SSPN: variants seen among roughly 807,000 people sequenced by gnomAD.
SSPN encodes K-ras oncogene-associated protein.
In SSPN, 15 loss-of-function variants were observed where a neutral mutation model predicts 19.1. That is an observed-to-expected ratio of 0.78 (90% CI 0.52 to 1.21). The LOEUF is 1.21. Ranked by LOEUF, SSPN falls within the 50% of genes most tolerant of loss-of-function variation. The probability of loss-of-function intolerance (pLI) is 0.00; values close to 1 mark genes in which losing one functional copy is unlikely to be tolerated. For missense variants in SSPN, 291 were observed against 314.0 expected (o/e 0.93, Z 0.55); for synonymous variants, 147 against 140.3 (o/e 1.05, Z -0.34).
chr12:26,228,622 C>T (rs1351467077), intron 2 of SSPN, among the ~76,000 whole-genome samples: 1 of 151,012 alleles, frequency 6.6e-6, no homozygotes, highest in East Asian at 2.0e-4. Context: ...CAGTTCTCTG[C>T]TGGCTGTACT....
intron 1 of SSPN, among the ~76,000 whole-genome samples, chr12:26,146,652 G>A (rs926622152): frequency 2.0e-5 from 3 of 151,926 alleles, no homozygotes; most frequent in African/African-American, 4.8e-5. Flanking sequence ...GCAAAATCCA[G>A]TCTCTACTAA....
At chr12:26,155,503 A>G (rs916745981) in intron 1 of SSPN, among the ~76,000 whole-genome samples, 2 of 152,192 alleles carry the variant, frequency 1.3e-5, no homozygotes, top group African/African-American at 4.8e-5. Flanking sequence ...CTCAAAAGCA[A>G]TAGGTATATT....
In SSPN at chr12:26,160,346, T is replaced by C. The variant is rs533949866; in HGVS notation, c.-31+38194T>C. On this transcript the variant is annotated intron_variant, in intron 1 of 2. Coordinates refer to the SSPN transcript ENST00000538142. ...CCTGTCCCTCCAAATGGCCTTTTGCTCTTAAATGGGCTTCCAATTTATTTT... is the reference window on the plus strand; with the variant it reads ...CCTGTCCCTCCAAATGGCCTTTTGCCCTTAAATGGGCTTCCAATTTATTTT... Among the ~76,000 whole-genome samples the C allele has an allele frequency of 1.7e-4, 26 of 152,376 alleles. 1 individual carries two copies. In the South Asian group the frequency reaches 5.4e-3, roughly 32 times the overall value.
At position 26,232,206 on chromosome 12, in the gene SSPN, C is replaced by T. The variant is rs916967373; in HGVS notation, c.*1130C>T. On this transcript the variant is annotated 3_prime_UTR_variant, in exon 3 of 3. Coordinates refer to ENST00000242729, the MANE Select transcript of SSPN (RefSeq NM_005086.5). ...ATGAAACTGTATTTGATACATAATC[C>T]TATTATTAATTCGTATGCTTAGTCA... 2.5e-5 allele frequency: 25 copies of T among 985,364 alleles called. 1 individual carries two copies. In the South Asian group the frequency reaches 9.9e-4, roughly 39 times the overall value. 61.0% of individuals were successfully genotyped at this position (985,364 alleles called of 1,614,324 possible). A position where few individuals can be genotyped will look rare whatever the true frequency, so the allele number is the denominator to read the frequency against.
chr12:26,195,712 G>C lies in SSPN; in HGVS notation c.40G>C (p.Gly14Arg). 1 of 1,259,200 alleles carries C rather than the reference G, an allele frequency of 7.9e-7. No individual in the cohort carries two copies. The highest frequency in any genetic ancestry group is 1.0e-6 in the Non-Finnish European group (1 of 990,074). The allele number at this position is 1,259,200 out of a possible 1,614,324, so 78.0% of individuals were successfully genotyped here. A position where few individuals can be genotyped will look rare whatever the true frequency, so the allele number is the denominator to read the frequency against. ...GCAGCCACGCGGCCAGCAGAGGCAGGGGGGCCCGCCGGCCGCGGACGCCGC... is the reference window on the plus strand; with the variant it reads ...GCAGCCACGCGGCCAGCAGAGGCAGCGGGGCCCGCCGGCCGCGGACGCCGC... ...NKQPRGQQRQ[G>R]GPPAADAAGP... The change falls in exon 1 of 3, where the codon GGG (glycine) becomes CGG (arginine). Residue 14 changes from glycine to arginine, a missense_variant. This residue lies in a region of SSPN where 139 missense variants were observed against 119.6 expected (regional missense o/e 1.16). Transcript: ENST00000242729.
intron 1 of SSPN, chr12:26,122,892 C>A (rs1420793854): frequency 6.4e-7 from 1 of 1,550,720 alleles, no homozygotes; most frequent in Non-Finnish European, 8.7e-7. Context: ...CAGCTTCTGC[C>A]CCGCGCGCTC....
chr12:26,196,544 A>G (rs923444996), intron 1 of SSPN, among the ~76,000 whole-genome samples: 1 of 152,210 alleles, frequency 6.6e-6, no homozygotes, highest in Non-Finnish European at 1.5e-5. Flanking sequence ...GGCGCTGGCC[A>G]TGGCAGAAGT....
chr12:26,123,567 C>T, intron 1 of SSPN: 1 of 1,161,014 alleles, frequency 8.6e-7, no homozygotes, highest in East Asian at 2.3e-5. Context: ...GGAGTCCTGA[C>T]ACTGCTCCCC....
chr12:26,125,346 C>G (rs1210021986), intron 1 of SSPN: 1 of 227,394 alleles, frequency 4.4e-6, no homozygotes, highest in East Asian at 1.1e-4. Flanking sequence ...AAATGCGACT[C>G]CCTGGGTTCG....
intron 1 of SSPN, among the ~76,000 whole-genome samples, chr12:26,166,106 A>T (rs1311323051): frequency 2.0e-5 from 3 of 152,130 alleles, no homozygotes; most frequent in Non-Finnish European, 4.4e-5. Flanking sequence ...GGAACATCAC[A>T]CACCAGGGCC....
intron 1 of SSPN, among the ~76,000 whole-genome samples, chr12:26,215,679 T>C (rs572936782): frequency 2.0e-5 from 3 of 152,336 alleles, no homozygotes; most frequent in East Asian, 3.9e-4. Context: ...TTAGAGGTGA[T>C]TGTTTTGCTT....
chr12:26,156,956 C>T (rs1467454795), intron 1 of SSPN, among the ~76,000 whole-genome samples: 1 of 152,206 alleles, frequency 6.6e-6, no homozygotes, highest in Non-Finnish European at 1.5e-5. Context: ...GTGTGTGGAA[C>T]ACTGTACCAT....
chr12:26,122,442 G>A, intron 1 of SSPN: 1 of 1,356,694 alleles, frequency 7.4e-7, no homozygotes, highest in Non-Finnish European at 9.6e-7. Context: ...GGCGGCAGCT[G>A]CAGAAGGCGA....
chr12:26,122,434 C>T, intron 1 of SSPN: 5 of 1,352,326 alleles, frequency 3.7e-6, no homozygotes, highest in East Asian at 3.3e-5. Flanking sequence ...TGCACGTAGG[C>T]GGCAGCTGCA....
intron 1 of SSPN, among the ~76,000 whole-genome samples, chr12:26,129,180 C>T (rs1465946802): frequency 2.0e-5 from 3 of 152,188 alleles, no homozygotes; most frequent in Admixed American, 6.5e-5. Flanking sequence ...CGTAGAGTCT[C>T]CTGCCTGTGA....
At chr12:26,163,937 G>C (rs187295321) in intron 1 of SSPN, among the ~76,000 whole-genome samples, 8 of 152,326 alleles carry the variant, frequency 5.3e-5, no homozygotes, top group Admixed American at 2.0e-4. Flanking sequence ...AGCAGTCCCT[G>C]CTGTCAAGAA....
rs1945266420 is a variant in SSPN, at chr12:26,234,516, A to T, written c.*3440A>T. ...ACTCACAGTGGAAACATTCATTTGG[A>T]TGAAGAATTAGTGGTTTAGCCTTTG... On this transcript the variant is annotated 3_prime_UTR_variant, in exon 3 of 3. Coordinates refer to ENST00000242729, the MANE Select transcript of SSPN (RefSeq NM_005086.5). 6.6e-6 allele frequency: 1 copy of T among 152,224 alleles called. No individual in the cohort carries two copies. Among genetic ancestry groups the T allele is most frequent in the Non-Finnish European group, 1.5e-5 (1 of 68,034 alleles). The allele number at this position is 152,224 out of a possible 1,614,324, so 9.4% of individuals were successfully genotyped here.
At chr12:26,145,912 G>T (rs1944487474) in intron 1 of SSPN, among the ~76,000 whole-genome samples, 2 of 152,140 alleles carry the variant, frequency 1.3e-5, no homozygotes, top group South Asian at 4.1e-4. Flanking sequence ...AGGACTTTGT[G>T]GACCCATGTA....
chr12:26,141,082 C>G (rs1379997970), intron 1 of SSPN, among the ~76,000 whole-genome samples: 1 of 152,154 alleles, frequency 6.6e-6, no homozygotes, highest in African/African-American at 2.4e-5. Context: ...AATATATTAC[C>G]TTACATAGCA....
Sources: gnomAD v4.1 joint callset for allele counts (sites outside exome capture counted in the v4.1 genomes callset) on GRCh38, gnomAD v4.1.1 for gene constraint, gnomAD v4.1.1 regional missense constraint, MANE v1.5 for transcripts, NCBI Gene and HGNC (gene_info 2026-07-23, HGNC 2026-07-21) for gene names.